The following NAV3 variants were observed in gnomAD, a reference collection of about 807,000 sequenced individuals.
NAV3 encodes pore membrane and/or filament interacting like protein 1.
Under a neutral mutation model 244.7 loss-of-function variants are expected in NAV3, and 87 were observed. The ratio of observed to expected loss-of-function variants is 0.36; its 90% confidence interval spans 0.30 to 0.42. The LOEUF (loss-of-function observed/expected upper bound fraction) is 0.42. NAV3 is among the 20% of genes least tolerant of loss of function. The probability of loss-of-function intolerance (pLI) is 1.00; values close to 1 mark genes in which losing one functional copy is unlikely to be tolerated. For synonymous variants in NAV3, 1,126 were observed against 1,042.2 expected (o/e 1.08, Z -1.55); for missense variants, 2,663 against 2,893.3 (o/e 0.92, Z 1.83).
At chr12:78,134,098 C>T (rs748948284) in intron 18 of NAV3, among the ~76,000 whole-genome samples, 2 of 150,758 alleles carry the variant, frequency 1.3e-5, no homozygotes, top group African/African-American at 4.8e-5. Flanking sequence ...TCTCTAAATT[C>T]GATGGATCCT....
intron 2 of NAV3, chr12:77,572,337 A>G (rs1272052037): frequency 6.5e-6 from 1 of 153,866 alleles, no homozygotes; most frequent in African/African-American, 2.4e-5. Context: ...TTGAAAATGA[A>G]TGCACCTTTT....
At chr12:77,984,007 G>A (rs61936165) in intron 5 of NAV3, among the ~76,000 whole-genome samples, 2 of 152,114 alleles carry the variant, frequency 1.3e-5, no homozygotes, top group Non-Finnish European at 2.9e-5. Context: ...AGACACTTTT[G>A]GATTCTGTGC....
chr12:77,604,754 A>G (rs1163240515), intron 2 of NAV3, among the ~76,000 whole-genome samples: 1 of 152,026 alleles, frequency 6.6e-6, no homozygotes, highest in African/African-American at 2.4e-5. Flanking sequence ...GCCCTTATTT[A>G]GATAGCGAAA....
At chr12:78,134,191 C>T (rs1353442075) in intron 18 of NAV3, among the ~76,000 whole-genome samples, 1 of 152,166 alleles carries the variant, frequency 6.6e-6, no homozygotes, top group African/African-American at 2.4e-5. Flanking sequence ...ACCTTGAATC[C>T]TTTCCCATCT....
chr12:78,105,380 A>G (rs113163647), intron 12 of NAV3, among the ~76,000 whole-genome samples: 9 of 152,198 alleles, frequency 5.9e-5, no homozygotes, highest in African/African-American at 2.2e-4. Flanking sequence ...TGTACCAATC[A>G]TATTAGGTTC....
intron 2 of NAV3, among the ~76,000 whole-genome samples, chr12:77,765,125 A>T (rs1196101571): frequency 6.6e-6 from 1 of 152,218 alleles, no homozygotes; most frequent in Non-Finnish European, 1.5e-5. Context: ...GAAAGAACAT[A>T]ATGTTTTCAT....
intron 1 of NAV3, among the ~76,000 whole-genome samples, chr12:77,927,257 C>T (rs1302216476): frequency 6.6e-6 from 1 of 152,208 alleles, no homozygotes; most frequent in African/African-American, 2.4e-5. Flanking sequence ...CCCCATGGAG[C>T]TCTCTGTTAG....
chr12:78,185,016 G>T (rs1461997223), intron 30 of NAV3, among the ~76,000 whole-genome samples: 2 of 151,626 alleles, frequency 1.3e-5, no homozygotes, highest in African/African-American at 4.8e-5. Context: ...ATACTATTTT[G>T]GTTTTGAAAC....
intron 2 of NAV3, among the ~76,000 whole-genome samples, chr12:77,739,640 C>T (rs550273524): frequency 3.3e-5 from 5 of 152,266 alleles, no homozygotes; most frequent in Middle Eastern, 3.4e-3. Flanking sequence ...ATTTAAATCA[C>T]ATCCACCTAA....
chr12:77,895,739 T>TG (rs1428071761), intron 1 of NAV3, among the ~76,000 whole-genome samples: 2 of 42,274 alleles, frequency 4.7e-5, no homozygotes, highest in Non-Finnish European at 8.9e-5. Context: ...TACCCTCTTG[T>TG]TTTTTTTTTT....
intron 9 of NAV3, among the ~76,000 whole-genome samples, chr12:78,045,329 T>A (rs375998315): frequency 6.6e-6 from 1 of 152,098 alleles, no homozygotes; most frequent in African/African-American, 2.4e-5. Context: ...AGAGTCTTGC[T>A]CCATCACACC....
intron 2 of NAV3, among the ~76,000 whole-genome samples, chr12:77,708,526 G>T (rs1461182328): frequency 6.6e-6 from 1 of 152,160 alleles, no homozygotes; most frequent in South Asian, 2.1e-4. Flanking sequence ...GCTTAGGATT[G>T]TCTTGGCAAT....
intron 2 of NAV3, among the ~76,000 whole-genome samples, chr12:77,695,457 T>C (rs1015262462): frequency 1.3e-5 from 2 of 152,142 alleles, no homozygotes; most frequent in Non-Finnish European, 2.9e-5. Flanking sequence ...GTGAGTTCAC[T>C]TTAGGTGTGT....
chr12:77,991,618 C>A (rs893024259), intron 5 of NAV3, among the ~76,000 whole-genome samples: 1 of 151,916 alleles, frequency 6.6e-6, no homozygotes, highest in East Asian at 1.9e-4. Context: ...AGGGGGTATT[C>A]CCATAGGAGT....
At chr12:78,107,928 G>A (rs2853465) in intron 12 of NAV3, among the ~76,000 whole-genome samples, 55,021 of 151,780 alleles carry the variant, frequency 0.36, 10,737 homozygotes, top group Non-Finnish European at 0.46. Context: ...ATAAGACAAC[G>A]AATAAACAAC....
chr12:78,040,391 G>A (rs1004523934), intron 9 of NAV3, among the ~76,000 whole-genome samples: 4 of 152,050 alleles, frequency 2.6e-5, no homozygotes, highest in Admixed American at 6.6e-5. Flanking sequence ...TAAAACATGA[G>A]AGAAACCAGA....
At chr12:77,886,670 T>C (rs1389864190) in intron 1 of NAV3, among the ~76,000 whole-genome samples, 1 of 152,178 alleles carries the variant, frequency 6.6e-6, no homozygotes, top group African/African-American at 2.4e-5. Context: ...TAAAAGCAGC[T>C]GAATTTGATC....
chr12:77,998,241 ACATCATATGTT>A, intron 6 of NAV3, 85 bp from the exon 7 acceptor site: 1 of 855,998 alleles, frequency 1.2e-6, no homozygotes, highest in South Asian at 3.2e-5. Flanking sequence ...AGATTTTAGA[ACATCATATGTT>A]GTAAATTTCT....
intron 1 of NAV3, among the ~76,000 whole-genome samples, chr12:77,851,618 T>C (rs1034939008): frequency 1.3e-5 from 2 of 152,176 alleles, no homozygotes; most frequent in African/African-American, 4.8e-5. Flanking sequence ...ATTTTAATGA[T>C]TAGGGAAACT....
Sources: allele counts gnomAD v4.1 joint callset (sites outside exome capture counted in the v4.1 genomes callset), GRCh38; gene constraint gnomAD v4.1.1; transcripts MANE v1.5; gene names NCBI Gene and HGNC (gene_info 2026-07-23, HGNC 2026-07-21).